GPR137C: variants seen among roughly 807,000 people sequenced by gnomAD.
GPR137C encodes G protein-coupled receptor 137C, also known as integral membrane protein GPR137C.
A neutral mutation model predicts 43.4 loss-of-function variants in GPR137C; 27 were observed. The observed-to-expected ratio is 0.62, with a 90% CI of 0.46 to 0.86. GPR137C has a LOEUF of 0.86. GPR137C is among the 40% of genes least tolerant of loss of function. The pLI, the probability that GPR137C is intolerant of heterozygous loss-of-function variation, is 0.00. For missense variants in GPR137C, 522 were observed against 534.6 expected (o/e 0.98, Z 0.23); for synonymous variants, 285 against 226.9 (o/e 1.26, Z -2.30).
intron 1 of GPR137C, among the ~76,000 whole-genome samples, chr14:52,571,630 C>T (rs544725294): frequency 3.3e-4 from 50 of 152,118 alleles, no homozygotes; most frequent in Non-Finnish European, 2.4e-4. Flanking sequence ...GCCAAGATTG[C>T]GCCATTGCAC....
chr14:52,578,848 G>T (rs1417597651), intron 1 of GPR137C, among the ~76,000 whole-genome samples: 1 of 152,122 alleles, frequency 6.6e-6, no homozygotes, highest in Non-Finnish European at 1.5e-5. Flanking sequence ...GGAGGCTGAG[G>T]CTGGAGAATC....
chr14:52,559,654 A>G (rs78257951), intron 1 of GPR137C, among the ~76,000 whole-genome samples: 7,413 of 152,290 alleles, frequency 0.049, 232 homozygotes, highest in Middle Eastern at 0.071. Flanking sequence ...ACTTCACAAC[A>G]TTGTGCTGGA....
chr14:52,616,827 A>G (rs983505068), intron 3 of GPR137C, among the ~76,000 whole-genome samples: 4 of 152,206 alleles, frequency 2.6e-5, no homozygotes, highest in Admixed American at 2.6e-4. Flanking sequence ...AATCCAGATC[A>G]TTGAAGTTTT....
At position 52,632,329 on chromosome 14, in the gene GPR137C, TGCCA is replaced by T. The variant is rs770411083; in HGVS notation, c.867+22_867+25del. ...GATAAGGTAAATACCTACCACGTAT[TGCCA>T]GTCTAACAATGTGATAATTAACTTA... On this transcript the variant is annotated intron_variant, in intron 4 of 6. Coordinates refer to ENST00000321662, the MANE Select transcript of GPR137C (RefSeq NM_001099652.2). 1.3e-6 allele frequency: 2 copies of T among 1,574,260 alleles called. No individual in the cohort carries two copies. Among genetic ancestry groups the T allele is most frequent in the Non-Finnish European group, 1.7e-6 (2 of 1,151,888 alleles).
chr14:52,554,788 A>G (rs2038168213), intron 1 of GPR137C, among the ~76,000 whole-genome samples: 1 of 152,208 alleles, frequency 6.6e-6, no homozygotes. Context: ...TTTAATAGGA[A>G]GTAGAATGCA....
intron 1 of GPR137C, among the ~76,000 whole-genome samples, chr14:52,587,487 C>T (rs1448692281): frequency 6.6e-6 from 1 of 152,020 alleles, no homozygotes; most frequent in African/African-American, 2.4e-5. Flanking sequence ...TCAGAATGAC[C>T]AGGCCAAGTG....
intron 3 of GPR137C, chr14:52,612,182 T>C (rs1486708004): frequency 5.1e-6 from 5 of 982,618 alleles, no homozygotes; most frequent in Non-Finnish European, 6.0e-6. Context: ...AAGAATATGA[T>C]TTCTTTAATG....
intron 1 of GPR137C, among the ~76,000 whole-genome samples, chr14:52,579,860 C>T (rs1303279922): frequency 6.6e-6 from 1 of 152,030 alleles, no homozygotes; most frequent in East Asian, 1.9e-4. Flanking sequence ...GTGTAGGTAC[C>T]CTCTACCTAA....
chr14:52,603,192 T>C (rs989473927), intron 3 of GPR137C, among the ~76,000 whole-genome samples: 2 of 152,278 alleles, frequency 1.3e-5, no homozygotes, highest in African/African-American at 4.8e-5. Flanking sequence ...TGAGAACATG[T>C]AGTATATTTG....
chr14:52,558,774 A>G (rs1205728447), intron 1 of GPR137C, among the ~76,000 whole-genome samples: 1 of 152,238 alleles, frequency 6.6e-6, no homozygotes, highest in Non-Finnish European at 1.5e-5. Flanking sequence ...TAATGAAAAA[A>G]TTAAAAACTG....
At chr14:52,602,644 A>T (rs2038940004) in intron 3 of GPR137C, among the ~76,000 whole-genome samples, 1 of 152,042 alleles carries the variant, frequency 6.6e-6, no homozygotes, top group East Asian at 1.9e-4. Context: ...AACTTTAAAG[A>T]CCTCACTTAA....
chr14:52,612,152 A>G, intron 3 of GPR137C: 2 of 983,618 alleles, frequency 2.0e-6, no homozygotes, highest in East Asian at 1.1e-4. Context: ...TTTTCTGATT[A>G]TTAAAACTTG....
chr14:52,555,842 A>C (rs2038184204), intron 1 of GPR137C, among the ~76,000 whole-genome samples: 1 of 152,172 alleles, frequency 6.6e-6, no homozygotes, highest in Non-Finnish European at 1.5e-5. Context: ...ACAAATTGTC[A>C]ATTTTTTGAA....
intron 1 of GPR137C, among the ~76,000 whole-genome samples, chr14:52,569,888 C>T (rs545231252): frequency 2.0e-5 from 3 of 151,716 alleles, no homozygotes; most frequent in South Asian, 2.1e-4. Context: ...GGAAAACACT[C>T]TTTAGGATAT....
intron 2 of GPR137C, among the ~76,000 whole-genome samples, chr14:52,599,134 C>T (rs1191395798): frequency 3.9e-5 from 6 of 152,098 alleles, no homozygotes; most frequent in African/African-American, 9.7e-5. Context: ...GGATTACGTT[C>T]GTGCAGATAG....
At chr14:52,590,315 C>T (rs1468686825) in intron 1 of GPR137C, among the ~76,000 whole-genome samples, 1 of 151,866 alleles carries the variant, frequency 6.6e-6, no homozygotes. Flanking sequence ...AGCTGTATGA[C>T]GTATTTGTGT....
chr14:52,631,647 G>A (rs2039295010), intron 3 of GPR137C, among the ~76,000 whole-genome samples: 1 of 152,022 alleles, frequency 6.6e-6, no homozygotes, highest in South Asian at 2.1e-4. Flanking sequence ...GTACATATGG[G>A]TGCCCAGAAC....
intron 1 of GPR137C, among the ~76,000 whole-genome samples, chr14:52,591,501 C>G (rs1051631545): frequency 6.6e-6 from 1 of 152,160 alleles, no homozygotes; most frequent in African/African-American, 2.4e-5. Flanking sequence ...TGTTTCCTGA[C>G]TTTTTAATGA....
intron 1 of GPR137C, among the ~76,000 whole-genome samples, chr14:52,564,405 A>G (rs1223889811): frequency 6.6e-6 from 1 of 151,978 alleles, no homozygotes; most frequent in Non-Finnish European, 1.5e-5. Flanking sequence ...TATGCTCCTC[A>G]TTCCTCACCA....
Sources: gnomAD v4.1 joint callset for allele counts (sites outside exome capture counted in the v4.1 genomes callset) on GRCh38, gnomAD v4.1.1 for gene constraint, MANE v1.5 for transcripts, NCBI Gene and HGNC (gene_info 2026-07-23, HGNC 2026-07-21) for gene names.